GPR139: variants seen among roughly 807,000 people sequenced by gnomAD.
GPR139 encodes probable G protein-coupled receptor 139.
GPR139 carries 12 observed loss-of-function variants against 25.8 expected under a neutral mutation model. The observed-to-expected ratio is 0.47, with a 90% CI of 0.30 to 0.75. The LOEUF (loss-of-function observed/expected upper bound fraction) is 0.75, where lower values mean the gene tolerates loss of function less well. Among genes scored for constraint, GPR139 ranks in the 30% least tolerant of loss-of-function variants. GPR139 has a pLI of 0.07. For synonymous variants in GPR139, 184 were observed against 179.9 expected (o/e 1.02, Z -0.18); for missense variants, 380 against 450.2 (o/e 0.84, Z 1.41).
chr16:20,069,407 C>G (rs1567241487), intron 1 of GPR139, among the ~76,000 whole-genome samples: 1 of 152,176 alleles, frequency 6.6e-6, no homozygotes, highest in South Asian at 2.1e-4. Context: ...AAGATGTTTA[C>G]AAGGTAAAGA....
At chr16:20,034,320 A>G (rs1475458565) in intron 1 of GPR139, among the ~76,000 whole-genome samples, 3 of 152,118 alleles carry the variant, frequency 2.0e-5, no homozygotes, top group Admixed American at 6.5e-5. Context: ...CACCTGCAAA[A>G]CCTGGTGTGC....
chr16:20,069,473 T>A (rs1460151950), intron 1 of GPR139, among the ~76,000 whole-genome samples: 1 of 152,216 alleles, frequency 6.6e-6, no homozygotes, highest in Non-Finnish European at 1.5e-5. Context: ...CTACTTCTAG[T>A]TGACAACAAT....
At chr16:20,034,223 TCA>T (rs1396649449) in intron 1 of GPR139, among the ~76,000 whole-genome samples, 2 of 151,414 alleles carry the variant, frequency 1.3e-5, no homozygotes, top group East Asian at 3.9e-4. Flanking sequence ...GATCTCTCTC[TCA>T]GTCTCTCTCT....
chr16:20,048,808 C>T (rs1056172313), intron 1 of GPR139, among the ~76,000 whole-genome samples: 5 of 152,290 alleles, frequency 3.3e-5, no homozygotes, highest in South Asian at 4.1e-4. Context: ...TTTGCACAAC[C>T]CACAAGGTAC....
At chr16:20,038,298 A>G (rs566752983) in intron 1 of GPR139, among the ~76,000 whole-genome samples, 23 of 151,180 alleles carry the variant, frequency 1.5e-4, no homozygotes, top group African/African-American at 5.3e-4. Flanking sequence ...ACACACATAC[A>G]TACAGGTTTA....
In GPR139 at chr16:20,030,649, A is replaced by C. The variant is rs958256142; in HGVS notation, c.*1086T>G. Among the ~76,000 whole-genome samples the C allele has an allele frequency of 4.6e-5, 7 of 152,222 alleles. No homozygotes were observed. The highest frequency in any genetic ancestry group is 1.0e-4 in the Non-Finnish European group (7 of 68,050). On this transcript the variant is annotated 3_prime_UTR_variant, in exon 2 of 2. Transcript: ENST00000570682. ...GGGCAGACGAGGCGTCAGCATGGGC[A>C]CCTTTTGTGTCTGCGTTTGTGGCGA...
chr16:20,058,144 C>T (rs1372540981), intron 1 of GPR139, among the ~76,000 whole-genome samples: 2 of 152,130 alleles, frequency 1.3e-5, no homozygotes, highest in Non-Finnish European at 2.9e-5. Context: ...TTACATATTC[C>T]CTTCAATAAG....
intron 1 of GPR139, among the ~76,000 whole-genome samples, chr16:20,047,977 G>A (rs1373095148): frequency 6.6e-6 from 1 of 152,136 alleles, no homozygotes; most frequent in African/African-American, 2.4e-5. Context: ...TTTACTATTA[G>A]ACAGGGTAAA....
Position 20,031,180 on chromosome 16 carries a change from G to A in GPR139, c.*555C>T, listed in dbSNP as rs142722194. On this transcript the variant is annotated 3_prime_UTR_variant, in exon 2 of 2. Transcript: ENST00000570682. ...TCCAATACTCTTCTATTCCCACAGT[G>A]TCATTCTGAAGCTAGGAGTGCCAGA... Among the ~76,000 whole-genome samples, 3 of 152,206 alleles carry A rather than the reference G, an allele frequency of 2.0e-5. No individual in the cohort carries two copies. The East Asian group carries it at 5.8e-4, about 29-fold the overall frequency.
intron 1 of GPR139, among the ~76,000 whole-genome samples, chr16:20,043,216 T>G (rs564517340): frequency 1.3e-5 from 2 of 152,312 alleles, no homozygotes; most frequent in East Asian, 3.9e-4. Flanking sequence ...CCAATTGACC[T>G]CCTCTTGACA....
Position 20,032,298 on chromosome 16 carries a change from G to A in GPR139, c.499C>T (p.Pro167Ser). Residue 167 changes from proline (P) to serine (S), a missense_variant, in exon 2 of 2, where the codon CCC becomes TCC. Pro to Ser is a moderately conservative substitution (Grantham distance 74, BLOSUM62 -1). Transcript: ENST00000570682. ...ATGTAGTCTTCAGTCCAGATGTTGG[G>A]CCACCAGTAATAGGGGATGCTGGTC... ...FLTSIPYYWW[P>S]NIWTEDYIST... 5 of 1,614,172 alleles carry A rather than the reference G, an allele frequency of 3.1e-6. No homozygotes were observed. Among genetic ancestry groups the A allele is most frequent in the South Asian group, 1.1e-5 (1 of 91,070 alleles).
chr16:20,038,673 T>C (rs1373309194), intron 1 of GPR139, among the ~76,000 whole-genome samples: 1 of 151,976 alleles, frequency 6.6e-6, no homozygotes, highest in African/African-American at 2.4e-5. Context: ...AGGAGATCCC[T>C]GGGGTGGGGT....
intron 1 of GPR139, among the ~76,000 whole-genome samples, chr16:20,048,648 A>G (rs1247131783): frequency 6.6e-6 from 1 of 152,180 alleles, no homozygotes; most frequent in Non-Finnish European, 1.5e-5. Context: ...GTAGTTTCCC[A>G]TGAGAGAATG....
In GPR139 at chr16:20,073,368, T is replaced by C. The variant is rs2057467385; in HGVS notation, c.127+122A>G. 2.8e-6 allele frequency: 4 copies of C among 1,430,302 alleles called. No homozygotes were observed. Among genetic ancestry groups the C allele is most frequent in the Non-Finnish European group, 3.8e-6 (4 of 1,047,414 alleles). 88.6% of individuals were successfully genotyped at this position (1,430,302 alleles called of 1,614,324 possible). Reference sequence around the variant, plus strand: ...GTGTGGAAATATCCATAGTTGCCCTTAAAGCTTAAACTTTTTCCGAGGGGG... The same window carrying C: ...GTGTGGAAATATCCATAGTTGCCCTCAAAGCTTAAACTTTTTCCGAGGGGG... On this transcript the variant is annotated intron_variant, in intron 1 of 1. Transcript: ENST00000570682. This position sits in a 1 kb window ranked among gnomAD's most constrained non-coding sequence, Gnocchi z 4.7.
rs539434448 is a variant in GPR139, at chr16:20,031,225, C to G, written c.*510G>C. ...GCCAGAGCCAATTCAAGACCACAAC[C>G]CTCTCTAGGACAAAGGGCACCTTGA... On this transcript the variant is annotated 3_prime_UTR_variant, in exon 2 of 2. Coordinates refer to ENST00000570682, the MANE Select transcript of GPR139 (RefSeq NM_001002911.4). 2.0e-5 allele frequency among the ~76,000 whole-genome samples: 3 copies of G among 152,044 alleles called. No individual in the cohort carries two copies. Among genetic ancestry groups the G allele is most frequent in the African/African-American group, 7.2e-5 (3 of 41,450 alleles).
At chr16:20,070,062 G>T (rs928431085) in intron 1 of GPR139, among the ~76,000 whole-genome samples, 3 of 152,198 alleles carry the variant, frequency 2.0e-5, no homozygotes, top group Non-Finnish European at 4.4e-5. Flanking sequence ...CAACTGCCTG[G>T]CATTAATGAA....
intron 1 of GPR139, among the ~76,000 whole-genome samples, chr16:20,046,807 A>G (rs1382649136): frequency 3.9e-5 from 6 of 152,138 alleles, no homozygotes; most frequent in Non-Finnish European, 7.3e-5. Context: ...AGTGGCTCAC[A>G]CCTACAATCC....
At chr16:20,040,365 T>A (rs77132769) in intron 1 of GPR139, among the ~76,000 whole-genome samples, 6,491 of 152,302 alleles carry the variant, frequency 0.043, 226 homozygotes, top group East Asian at 0.16. Flanking sequence ...ATCTCCAGGA[T>A]GCTTATATGC....
intron 1 of GPR139, among the ~76,000 whole-genome samples, chr16:20,036,462 A>C (rs1443318146): frequency 6.6e-6 from 1 of 152,208 alleles, no homozygotes; most frequent in African/African-American, 2.4e-5. Context: ...TTTACAAAGG[A>C]AAGGGGTTTA....
Sources: gnomAD v4.1 joint callset for allele counts (sites outside exome capture counted in the v4.1 genomes callset) on GRCh38, gnomAD v4.1.1 for gene constraint, Gnocchi (gnomAD v3.1) non-coding constraint, MANE v1.5 for transcripts, NCBI Gene and HGNC (gene_info 2026-07-23, HGNC 2026-07-21) for gene names.